XKR6: variants seen among roughly 807,000 people sequenced by gnomAD.
XKR6 encodes the protein XK-related protein 6.
XKR6 carries 22 observed loss-of-function variants against 56.7 expected under a neutral mutation model. That is an observed-to-expected ratio of 0.39 (90% CI 0.28 to 0.55). XKR6 has a LOEUF of 0.55. XKR6 is among the 20% of genes least tolerant of loss of function. XKR6 has a pLI of 0.66. For synonymous variants in XKR6, 524 were observed against 387.8 expected, an observed-to-expected ratio of 1.35 and a Z score of -4.13; for missense variants, 852 against 889.0, an observed-to-expected ratio of 0.96 and a Z score of 0.53.
chr8:11,037,826 C>A (rs989184561), intron 1 of XKR6, among the ~76,000 whole-genome samples: 1 of 150,322 alleles, frequency 6.7e-6, no homozygotes, highest in South Asian at 2.1e-4. Flanking sequence ...CCACTGCACT[C>A]CAGCCTGGAT....
At chr8:11,054,178 A>T (rs796622133) in intron 1 of XKR6, among the ~76,000 whole-genome samples, 30 of 152,332 alleles carry the variant, frequency 2.0e-4, no homozygotes, top group African/African-American at 6.7e-4. Context: ...GAGGTTTGAG[A>T]GAATTGCATG....
intron 1 of XKR6, among the ~76,000 whole-genome samples, chr8:11,037,413 C>G (rs1799173329): frequency 6.6e-6 from 1 of 152,162 alleles, no homozygotes; most frequent in Non-Finnish European, 1.5e-5. Context: ...TTTGTAGAGA[C>G]TGGGCTGTGC....
chr8:11,182,383 T>G (rs1488335499), intron 1 of XKR6, among the ~76,000 whole-genome samples: 2 of 152,204 alleles, frequency 1.3e-5, no homozygotes, highest in East Asian at 3.9e-4. Flanking sequence ...GGCATCACTG[T>G]GGCGCATTAA....
At chr8:11,112,127 T>C (rs923300288) in intron 1 of XKR6, among the ~76,000 whole-genome samples, 2 of 152,218 alleles carry the variant, frequency 1.3e-5, no homozygotes, top group African/African-American at 2.4e-5. Flanking sequence ...TTATAGAGTA[T>C]TTACTGGGTC....
chr8:11,141,131 G>C (rs1278835315), intron 1 of XKR6, among the ~76,000 whole-genome samples: 2 of 152,180 alleles, frequency 1.3e-5, no homozygotes, highest in African/African-American at 4.8e-5. Context: ...GGGGAGAACA[G>C]ATGCAAAAGA....
At chr8:10,905,123 A>G (rs1800151219) in intron 2 of XKR6, among the ~76,000 whole-genome samples, 1 of 152,078 alleles carries the variant, frequency 6.6e-6, no homozygotes, top group Admixed American at 6.5e-5. Context: ...TTTACACAGC[A>G]TGGTCCCTGG....
At chr8:10,977,851 G>A in intron 1 of XKR6, among the ~76,000 whole-genome samples, 1 of 151,832 alleles carries the variant, frequency 6.6e-6, no homozygotes, top group East Asian at 1.9e-4. Flanking sequence ...GTTAACTTTT[G>A]AAAAGCTAAT....
rs552864192 is a variant in XKR6 at position 10,898,480 on chromosome 8, C to T, written c.1398G>A (p.Pro466=). The change falls in exon 3 of 3, where the codon CCG becomes CCA. Residue 466 remains proline (P), a synonymous_variant. Coordinates refer to ENST00000416569, the MANE Select transcript of XKR6 (RefSeq NM_173683.4). This position sits in a 1 kb window ranked among gnomAD's most constrained non-coding sequence, Gnocchi z 6.6. ...LTFLWYFYRD[P]ETTDSYAVPA... is the part of the protein sequence containing the mutation. ...GCACCGCATAGGAGTCAGTGGTCTC[C>T]GGGTCTCTGTAAAAATACCAAAGGA... The T allele has an allele frequency of 4.0e-5, 65 of 1,613,850 alleles. No homozygotes were observed. Among genetic ancestry groups the T allele is most frequent in the South Asian group, 1.6e-4 (15 of 91,042 alleles).
At position 11,201,384 on chromosome 8, in the gene XKR6, G is replaced by A. The variant is rs79111379; in HGVS notation, c.-45C>T. ...CCGGAGGTTGGGGGGGAGGGACGGC[G>A]GGGGGGGGGGGAAGAAGGCAGGGAA... On this transcript the variant is annotated 5_prime_UTR_variant, in exon 1 of 3. Coordinates refer to ENST00000416569, the MANE Select transcript of XKR6 (RefSeq NM_173683.4). 1.3e-5 allele frequency: 3 copies of A among 222,636 alleles called. No individual in the cohort carries two copies. Among genetic ancestry groups the A allele is most frequent in the Admixed American group, 2.5e-4 (2 of 7,908 alleles). The allele number at this position is 222,636 out of a possible 1,614,324, so 13.8% of individuals were successfully genotyped here.
chr8:11,152,464 A>G (rs1801315884), intron 1 of XKR6, among the ~76,000 whole-genome samples: 1 of 152,224 alleles, frequency 6.6e-6, no homozygotes, highest in African/African-American at 2.4e-5. Context: ...ATGGAGGAAG[A>G]GTCTGAAGGA....
rs559307711 is a variant in XKR6 at position 10,964,579 on chromosome 8, C to T, written c.765-39749G>A. 7.0e-4 allele frequency among the ~76,000 whole-genome samples: 106 copies of T among 152,306 alleles called. 4 individuals are homozygous for T. Among genetic ancestry groups the T allele is most frequent in the South Asian group, 1.9e-3 (9 of 4,822 alleles). ...TCTCAACCTTAATGGGGCATTTGGA[C>T]AACATCCTGGTCTTGAAAATAAAAA... On this transcript the variant is annotated intron_variant, in intron 1 of 2. Coordinates refer to ENST00000416569, the MANE Select transcript of XKR6 (RefSeq NM_173683.4).
chr8:11,133,835 C>G (rs2082984164), intron 1 of XKR6, among the ~76,000 whole-genome samples: 1 of 152,160 alleles, frequency 6.6e-6, no homozygotes, highest in Non-Finnish European at 1.5e-5. Context: ...TCCATTATAT[C>G]ATAGACCTAT....
intron 1 of XKR6, among the ~76,000 whole-genome samples, chr8:11,121,373 C>T (rs947641017): frequency 1.5e-4 from 23 of 152,192 alleles, no homozygotes; most frequent in Admixed American, 3.3e-4. Flanking sequence ...AAAAAGTGAG[C>T]GAAGGATATG....
intron 2 of XKR6, among the ~76,000 whole-genome samples, chr8:10,910,821 CT>C (rs1308510991): frequency 6.6e-6 from 1 of 152,244 alleles, no homozygotes; most frequent in Non-Finnish European, 1.5e-5. Context: ...TAAAGGCAAA[CT>C]TTAGAGATTC....
rs552278622 is a variant in XKR6, at chr8:11,143,394, G to C, written c.764+57182C>G. ...CTACAACATATAATTGTGCTGAAGG[G>C]ATTAAATCCTAATCCGACAATGTAA... On this transcript the variant is annotated intron_variant, in intron 1 of 2. Transcript: ENST00000416569. Among the ~76,000 whole-genome samples, 4 of 152,258 alleles carry C rather than the reference G, an allele frequency of 2.6e-5. No individual in the cohort carries two copies. In the South Asian group the frequency reaches 8.3e-4, roughly 32 times the overall value.
At chr8:11,104,251 A>C (rs765217886) in intron 1 of XKR6, among the ~76,000 whole-genome samples, 2 of 152,246 alleles carry the variant, frequency 1.3e-5, no homozygotes, top group Non-Finnish European at 2.9e-5. Context: ...GAGAACTGTG[A>C]ATCTGACTGG....
At chr8:10,907,750 T>A (rs867291644) in intron 2 of XKR6, among the ~76,000 whole-genome samples, 1 of 152,226 alleles carries the variant, frequency 6.6e-6, no homozygotes, top group Non-Finnish European at 1.5e-5. Flanking sequence ...TTGGTTAACA[T>A]ATGTCAGCCC....
At chr8:11,155,604 C>G (rs372675433) in intron 1 of XKR6, among the ~76,000 whole-genome samples, 2 of 152,208 alleles carry the variant, frequency 1.3e-5, no homozygotes, top group Admixed American at 1.3e-4. Context: ...TATACAGACA[C>G]AGTTTTCTCT....
chr8:11,161,057 T>C (rs564178373), intron 1 of XKR6, among the ~76,000 whole-genome samples: 1 of 152,200 alleles, frequency 6.6e-6, no homozygotes, highest in South Asian at 2.1e-4. Flanking sequence ...CATAATATTA[T>C]AACCAGATTA....
Sources: gnomAD v4.1 joint callset for allele counts (sites outside exome capture counted in the v4.1 genomes callset) on GRCh38, gnomAD v4.1.1 for gene constraint, Gnocchi (gnomAD v3.1) non-coding constraint, MANE v1.5 for transcripts, NCBI Gene and HGNC (gene_info 2026-07-23, HGNC 2026-07-21) for gene names.